Variants in CAMTA1 observed in about 807,000 individuals in gnomAD.
CAMTA1 encodes the protein calmodulin binding transcription activator 1, also known as calmodulin-binding transcription activator 1.
CAMTA1 carries 27 observed loss-of-function variants against 170.9 expected under a neutral mutation model. The observed-to-expected ratio is 0.16, with a 90% CI of 0.12 to 0.22. CAMTA1 has a LOEUF of 0.22. Ranked by LOEUF, CAMTA1 falls within the 10% of genes least tolerant of loss-of-function variation. CAMTA1 has a pLI of 1.00. For missense variants in CAMTA1, 1,619 were observed against 2,217.2 expected (o/e 0.73, Z 5.42); for synonymous variants, 833 against 891.5 (o/e 0.93, Z 1.17).
At chr1:6,937,192 A>T (rs1458995245) in intron 3 of CAMTA1, among the ~76,000 whole-genome samples, 1 of 150,486 alleles carries the variant, frequency 6.6e-6, no homozygotes. Context: ...TGTCATCACC[A>T]TAATCATCAC....
At chr1:7,345,702 T>C (rs2084171826) in intron 5 of CAMTA1, among the ~76,000 whole-genome samples, 1 of 152,156 alleles carries the variant, frequency 6.6e-6, no homozygotes, top group Non-Finnish European at 1.5e-5. Flanking sequence ...GCTGGGAAGA[T>C]TATGCCCCAG....
At chr1:7,391,317 TC>T (rs1361903423) in intron 5 of CAMTA1, among the ~76,000 whole-genome samples, 1 of 133,748 alleles carries the variant, frequency 7.5e-6, no homozygotes, top group Non-Finnish European at 1.6e-5. Flanking sequence ...GTTTTATGCA[TC>T]CCTTTACACA....
chr1:7,160,655 C>A (rs569424668), intron 4 of CAMTA1, among the ~76,000 whole-genome samples: 28 of 152,302 alleles, frequency 1.8e-4, no homozygotes, highest in Admixed American at 5.2e-4. Flanking sequence ...ACTTTAAAAA[C>A]TTTCTTTGGG....
chr1:7,340,658 A>G (rs932232380), intron 5 of CAMTA1, among the ~76,000 whole-genome samples: 2 of 150,922 alleles, frequency 1.3e-5, no homozygotes, highest in African/African-American at 4.9e-5. Context: ...AGATGAATCC[A>G]TCTATTCATG....
chr1:6,848,249 C>A (rs1377132909), intron 3 of CAMTA1, among the ~76,000 whole-genome samples: 1 of 152,106 alleles, frequency 6.6e-6, no homozygotes, highest in Non-Finnish European at 1.5e-5. Context: ...TGGCCTCAAA[C>A]AATCCTCTCA....
At chr1:6,980,511 G>A (rs1321142554) in intron 3 of CAMTA1, among the ~76,000 whole-genome samples, 1 of 152,156 alleles carries the variant, frequency 6.6e-6, no homozygotes, top group African/African-American at 2.4e-5. Flanking sequence ...CGTGACTTCT[G>A]TTAGGTTATA....
Position 7,580,439 on chromosome 1 carries a change from A to G in CAMTA1, c.511-59961A>G, listed in dbSNP as rs1371883885. Among the ~76,000 whole-genome samples the G allele has an allele frequency of 6.6e-6, 1 of 152,114 alleles. No individual in the cohort carries two copies. Among genetic ancestry groups the G allele is most frequent in the African/African-American group, 2.4e-5 (1 of 41,416 alleles). ...GAAGACAGGTGAGGGGGCTGATGGG[A>G]GCCATGATGAGGTCCCAGGGGTAGT... is the stretch of plus-strand genomic sequence containing the variant. On this transcript the variant is annotated intron_variant, in intron 6 of 22. Coordinates refer to ENST00000303635, the MANE Select transcript of CAMTA1 (RefSeq NM_015215.4). The surrounding 1 kb of genome is among the most constrained non-coding windows in gnomAD (Gnocchi z 4.3).
chr1:7,654,722 TAC>T (rs1199736768), intron 7 of CAMTA1, among the ~76,000 whole-genome samples: 41 of 128,452 alleles, frequency 3.2e-4, no homozygotes, highest in African/African-American at 9.4e-4. Context: ...CACCCACCTA[TAC>T]ACACACCCAC....
At chr1:7,230,114 C>T (rs1206536195) in intron 4 of CAMTA1, among the ~76,000 whole-genome samples, 3 of 152,068 alleles carry the variant, frequency 2.0e-5, no homozygotes, top group Admixed American at 2.0e-4. Flanking sequence ...TAGGGTGTCC[C>T]CCCCCACCAC....
At chr1:7,620,127 G>A (rs924339804) in intron 6 of CAMTA1, among the ~76,000 whole-genome samples, 17 of 152,152 alleles carry the variant, frequency 1.1e-4, no homozygotes, top group Admixed American at 6.5e-4. Context: ...GTTGAACATC[G>A]TGGTACCAGG....
chr1:7,511,303 C>T (rs1308334862), intron 6 of CAMTA1, among the ~76,000 whole-genome samples: 1 of 145,592 alleles, frequency 6.9e-6, no homozygotes, highest in Non-Finnish European at 1.5e-5. Flanking sequence ...AGCTCCGTGA[C>T]CTTGAGTGTC....
At chr1:7,005,760 G>A (rs1698909035) in intron 3 of CAMTA1, among the ~76,000 whole-genome samples, 1 of 152,242 alleles carries the variant, frequency 6.6e-6, no homozygotes, top group Non-Finnish European at 1.5e-5. Flanking sequence ...CAGTCCAGAA[G>A]GACACAAAGA....
rs1038129828 is a variant in CAMTA1 at position 6,899,281 on chromosome 1, G to T, written c.234+74071G>T. Among the ~76,000 whole-genome samples the T allele has an allele frequency of 2.0e-5, 3 of 152,204 alleles. No individual in the cohort carries two copies. The South Asian group carries it at 6.2e-4, about 31-fold the overall frequency. ...GCAGCTTATTGTCTCACGTGAACAG[G>T]CTTTCTAAAATAAATGACTGCTTTC... On this transcript the variant is annotated intron_variant, in intron 3 of 22. Transcript: ENST00000303635.
intron 5 of CAMTA1, among the ~76,000 whole-genome samples, chr1:7,283,699 T>G (rs1208889053): frequency 6.6e-6 from 1 of 152,224 alleles, no homozygotes; most frequent in Non-Finnish European, 1.5e-5. Flanking sequence ...TTCTTAGCCC[T>G]CTATCACCCC....
rs1674658069 is a variant in CAMTA1, at chr1:7,300,928, G to C, written c.438+51302G>C. Reference sequence around the variant, plus strand: ...CATAAAGTTCTCTTACTAGAATATAGCTTCTAAATTGCATATCATAGATGA... The same window carrying C: ...CATAAAGTTCTCTTACTAGAATATACCTTCTAAATTGCATATCATAGATGA... On this transcript the variant is annotated intron_variant, in intron 5 of 22. Coordinates refer to ENST00000303635, the MANE Select transcript of CAMTA1 (RefSeq NM_015215.4). This position sits in a 1 kb window ranked among gnomAD's most constrained non-coding sequence, Gnocchi z 4.1. Among the ~76,000 whole-genome samples, 1 of 152,096 alleles carries C rather than the reference G, an allele frequency of 6.6e-6. No individual in the cohort carries two copies. The highest frequency in any genetic ancestry group is 2.4e-5 in the African/African-American group (1 of 41,406).
chr1:7,730,260 A>C (rs1487330937), intron 11 of CAMTA1, among the ~76,000 whole-genome samples: 1 of 152,120 alleles, frequency 6.6e-6, no homozygotes, highest in Non-Finnish European at 1.5e-5. Context: ...ACAGCCATTC[A>C]CTGGTCTGAC....
Position 7,044,152 on chromosome 1 carries a change from C to T in CAMTA1, c.235-47152C>T, listed in dbSNP as rs913135550. Reference sequence around the variant, plus strand: ...CTCTGCAGAAGGCACGTGGGTGTCACATATGCACACACATGCATGCACAGC... The same window carrying T: ...CTCTGCAGAAGGCACGTGGGTGTCATATATGCACACACATGCATGCACAGC... On this transcript the variant is annotated intron_variant, in intron 3 of 22. Transcript: ENST00000303635. This position sits in a 1 kb window ranked among gnomAD's most constrained non-coding sequence, Gnocchi z 5.0. Among the ~76,000 whole-genome samples the T allele has an allele frequency of 6.6e-6, 1 of 152,224 alleles. No individual in the cohort carries two copies. The highest frequency in any genetic ancestry group is 2.4e-5 in the African/African-American group (1 of 41,458).
chr1:6,898,778 C>T (rs1571496816), intron 3 of CAMTA1, among the ~76,000 whole-genome samples: 1 of 152,212 alleles, frequency 6.6e-6, no homozygotes. Flanking sequence ...TTCAACTGGC[C>T]TAACTCAGCA....
intron 6 of CAMTA1, among the ~76,000 whole-genome samples, chr1:7,509,246 A>T (rs2094166153): frequency 6.6e-6 from 1 of 152,146 alleles, no homozygotes; most frequent in Non-Finnish European, 1.5e-5. Flanking sequence ...GTTACATCAA[A>T]CCAAAGCCTG....
Sources: allele counts gnomAD v4.1 joint callset (sites outside exome capture counted in the v4.1 genomes callset), GRCh38; gene constraint gnomAD v4.1.1; non-coding constraint Gnocchi (gnomAD v3.1); transcripts MANE v1.5; gene names NCBI Gene and HGNC (gene_info 2026-07-23, HGNC 2026-07-21).